TOX2: variants seen among roughly 807,000 people sequenced by gnomAD.
TOX2 encodes TOX high mobility group box family member 2, also known as granulosa cell HMG box 1.
TOX2 carries 15 observed loss-of-function variants against 47.4 expected under a neutral mutation model. That is an observed-to-expected ratio of 0.32 (90% CI 0.21 to 0.49). TOX2 has a LOEUF of 0.49. Among genes scored for constraint, TOX2 ranks in the 20% least tolerant of loss-of-function variants. TOX2 has a pLI of 0.99. For synonymous variants in TOX2, 290 were observed against 296.6 expected, an observed-to-expected ratio of 0.98 and a Z score of 0.23; for missense variants, 622 against 673.1, an observed-to-expected ratio of 0.92 and a Z score of 0.84.
chr20:43,931,546 G>A (rs1362635685), intron 1 of TOX2, among the ~76,000 whole-genome samples: 1 of 152,224 alleles, frequency 6.6e-6, no homozygotes, highest in East Asian at 1.9e-4. Flanking sequence ...TGACACTGTG[G>A]GCTCCCTGGG....
rs1427912968 is a variant in TOX2 at position 44,069,533 on chromosome 20, T to C, written c.*847T>C. Reference sequence around the variant, plus strand: ...GGGTTCTTGACGTCGTTTGCAGCTGTTTCCTGGCCCTGGCGAGTGTCTGTC... The same window carrying C: ...GGGTTCTTGACGTCGTTTGCAGCTGCTTCCTGGCCCTGGCGAGTGTCTGTC... On this transcript the variant is annotated 3_prime_UTR_variant, in exon 9 of 9. Coordinates refer to ENST00000341197, the MANE Select transcript of TOX2 (RefSeq NM_001098797.2). 1 of 152,886 alleles carries C rather than the reference T, an allele frequency of 6.5e-6. No individual in the cohort carries two copies. The highest frequency in any genetic ancestry group is 2.4e-5 in the African/African-American group (1 of 41,460). The allele number at this position is 152,886 out of a possible 1,614,324, so 9.5% of individuals were successfully genotyped here.
intron 1 of TOX2, among the ~76,000 whole-genome samples, chr20:43,940,156 T>C (rs1412402416): frequency 6.6e-6 from 1 of 151,596 alleles, no homozygotes; most frequent in Non-Finnish European, 1.5e-5. Context: ...GAAAACACAA[T>C]GTGAAGACTT....
chr20:44,061,125 T>C (rs2071711313), intron 5 of TOX2, among the ~76,000 whole-genome samples: 1 of 152,164 alleles, frequency 6.6e-6, no homozygotes, highest in South Asian at 2.1e-4. Flanking sequence ...TGAACACCTT[T>C]ATGTACATAA....
chr20:44,067,555 C>T (rs1457542952), intron 8 of TOX2, among the ~76,000 whole-genome samples: 3 of 152,148 alleles, frequency 2.0e-5, no homozygotes, highest in Non-Finnish European at 4.4e-5. Flanking sequence ...CAAGGAATTA[C>T]AGACACCTTA....
chr20:43,956,582 G>T (rs1295388756), intron 1 of TOX2, among the ~76,000 whole-genome samples: 1 of 114,042 alleles, frequency 8.8e-6, no homozygotes, highest in East Asian at 2.8e-4. Context: ...AAAAAAAAAA[G>T]ACTGTTTTCT....
At chr20:44,049,953 C>T (rs1240659053) in intron 3 of TOX2, among the ~76,000 whole-genome samples, 2 of 152,180 alleles carry the variant, frequency 1.3e-5, no homozygotes, top group African/African-American at 4.8e-5. Context: ...TGAACACACA[C>T]GTGCATGTAT....
intron 3 of TOX2, among the ~76,000 whole-genome samples, chr20:44,031,380 G>C (rs1349025216): frequency 6.6e-6 from 1 of 152,208 alleles, no homozygotes; most frequent in Non-Finnish European, 1.5e-5. Flanking sequence ...TGTGTCACAG[G>C]AGCACGCTGC....
chr20:44,046,933 T>C (rs2071418326), intron 3 of TOX2, among the ~76,000 whole-genome samples: 2 of 152,150 alleles, frequency 1.3e-5, no homozygotes, highest in Admixed American at 6.5e-5. Context: ...AAAAACAAAC[T>C]GATCATATCC....
At chr20:43,955,063 C>T (rs543458790) in intron 1 of TOX2, 4 of 206,734 alleles carry the variant, frequency 1.9e-5, no homozygotes, top group South Asian at 1.7e-4. Context: ...TGAGCTGACG[C>T]GAGGCTCTTT....
chr20:43,952,796 AGTCG>A (rs895722242), intron 1 of TOX2, among the ~76,000 whole-genome samples: 1 of 152,178 alleles, frequency 6.6e-6, no homozygotes, highest in African/African-American at 2.4e-5. Flanking sequence ...AGACACAGTT[AGTCG>A]GTACTTACGG....
chr20:44,058,838 G>A (rs1477899386), intron 5 of TOX2, among the ~76,000 whole-genome samples: 2 of 152,226 alleles, frequency 1.3e-5, no homozygotes, highest in African/African-American at 4.8e-5. Flanking sequence ...ACATCCCTAG[G>A]GGAAGGGGGA....
intron 1 of TOX2, among the ~76,000 whole-genome samples, chr20:43,925,692 C>T (rs2069157495): frequency 6.6e-6 from 1 of 152,214 alleles, no homozygotes. Context: ...TGCTCACAGG[C>T]TTCGCTGTCA....
At chr20:44,064,548 T>C (rs528995422) in intron 5 of TOX2, among the ~76,000 whole-genome samples, 22 of 152,234 alleles carry the variant, frequency 1.4e-4, no homozygotes, top group Non-Finnish European at 2.8e-4. Flanking sequence ...TGAAGCATGT[T>C]GGCCAAGGCC....
intron 1 of TOX2, among the ~76,000 whole-genome samples, chr20:43,927,619 T>TC (rs1569003383): frequency 6.3e-4 from 47 of 75,132 alleles, no homozygotes; most frequent in African/African-American, 6.2e-3. Flanking sequence ...CTTCCTTCCT[T>TC]CCTTCCTCCT....
At chr20:44,055,924 G>T (rs1193525515) in intron 5 of TOX2, among the ~76,000 whole-genome samples, 1 of 152,104 alleles carries the variant, frequency 6.6e-6, no homozygotes, top group East Asian at 1.9e-4. Context: ...AGGTAATTTT[G>T]GAATATGTTA....
chr20:44,021,796 T>C (rs2070979956), intron 3 of TOX2, among the ~76,000 whole-genome samples: 1 of 99,654 alleles, frequency 1.0e-5, no homozygotes. Flanking sequence ...GTCTGGCTAA[T>C]TTTTGATTTT....
intron 8 of TOX2, among the ~76,000 whole-genome samples, chr20:44,068,113 G>A (rs925577718): frequency 1.3e-5 from 2 of 152,002 alleles, no homozygotes; most frequent in Non-Finnish European, 2.9e-5. Context: ...TCCCTTCCCT[G>A]CACCCCAAGC....
chr20:43,924,411 T>C (rs2069143056), intron 1 of TOX2, among the ~76,000 whole-genome samples: 1 of 152,024 alleles, frequency 6.6e-6, no homozygotes, highest in South Asian at 2.1e-4. Flanking sequence ...TCCAGAGTCC[T>C]TGCACTGAGC....
chr20:44,039,230 G>A (rs1173449013), intron 3 of TOX2: 1 of 1,288,968 alleles, frequency 7.8e-7, no homozygotes, highest in Non-Finnish European at 1.0e-6. Context: ...GACATTTCAG[G>A]TAAGCCATAA....
Sources: allele counts gnomAD v4.1 joint callset (sites outside exome capture counted in the v4.1 genomes callset), GRCh38; gene constraint gnomAD v4.1.1; transcripts MANE v1.5; gene names NCBI Gene and HGNC (gene_info 2026-07-23, HGNC 2026-07-21).